ANTXRL: variants seen among roughly 807,000 people sequenced by gnomAD.
ANTXRL encodes the protein anthrax toxin receptor-like.
In ANTXRL, 63 loss-of-function variants were observed where a neutral mutation model predicts 75.4. The observed-to-expected ratio is 0.84, with a 90% confidence interval of 0.68 to 1.03. The LOEUF (loss-of-function observed/expected upper bound fraction) is 1.03. ANTXRL is among the 50% of genes least tolerant of loss of function. The pLI is 0.00. For synonymous variants in ANTXRL, 335 were observed against 291.3 expected, an observed-to-expected ratio of 1.15 and a Z score of -1.53; for missense variants, 797 against 789.4, an observed-to-expected ratio of 1.01 and a Z score of -0.12.
At chr10:46,296,921 G>A (rs371215683) in intron 5 of ANTXRL, among the ~76,000 whole-genome samples, 194 of 152,324 alleles carry the variant, frequency 1.3e-3, no homozygotes, top group African/African-American at 4.4e-3. Flanking sequence ...GCCTGTGGTT[G>A]TGGAGTCCTG....
intron 3 of ANTXRL, among the ~76,000 whole-genome samples, chr10:46,294,480 G>A (rs1837246728): frequency 6.6e-6 from 1 of 152,154 alleles, no homozygotes; most frequent in South Asian, 2.1e-4. Context: ...AGGGAGCACA[G>A]CAGAGTTCCT....
chr10:46,288,853 G>A (rs1836864503), intron 1 of ANTXRL, among the ~76,000 whole-genome samples: 1 of 152,140 alleles, frequency 6.6e-6, no homozygotes, highest in African/African-American at 2.4e-5. Flanking sequence ...CAGAGGGAGT[G>A]CCTAGAGTGG....
At chr10:46,307,329 A>T in intron 11 of ANTXRL, 73 bp from the exon 12 acceptor site, 3 of 1,064,768 alleles carry the variant, frequency 2.8e-6, no homozygotes, top group South Asian at 2.7e-5. Flanking sequence ...ACCTCTCATT[A>T]CCCATGCTGT....
At chr10:46,329,320 G>C (rs1839375055) in intron 16 of ANTXRL, among the ~76,000 whole-genome samples, 1 of 152,120 alleles carries the variant, frequency 6.6e-6, no homozygotes, top group Non-Finnish European at 1.5e-5. Context: ...AGCTACCAGG[G>C]GGAAGCAAAC....
intron 14 of ANTXRL, 57 bp from the exon 15 acceptor site, chr10:46,311,453 T>G: frequency 6.9e-7 from 1 of 1,442,490 alleles, no homozygotes; most frequent in Non-Finnish European, 9.1e-7. Flanking sequence ...CATCTGGGAG[T>G]GGCCAGCACT....
intron 16 of ANTXRL, among the ~76,000 whole-genome samples, chr10:46,324,675 A>C (rs11259794): frequency 0.52 from 78,689 of 151,852 alleles, 21,395 homozygotes; most frequent in Admixed American, 0.63. Flanking sequence ...ACTTTTAATT[A>C]TTTCTCTATC....
chr10:46,328,669 G>T (rs1839343697), intron 16 of ANTXRL, among the ~76,000 whole-genome samples: 1 of 151,834 alleles, frequency 6.6e-6, no homozygotes, highest in South Asian at 2.1e-4. Flanking sequence ...TGCAGGATGT[G>T]CAGGTTTGTT....
intron 16 of ANTXRL, among the ~76,000 whole-genome samples, chr10:46,317,586 G>T (rs1554964919): frequency 6.6e-6 from 1 of 152,162 alleles, no homozygotes; most frequent in African/African-American, 2.4e-5. Flanking sequence ...AACTGTCCAG[G>T]AATCCCAGCT....
chr10:46,307,016 A>C (rs1838137105), intron 11 of ANTXRL, 144 bp downstream of exon 11: 2 of 703,854 alleles, frequency 2.8e-6, no homozygotes, highest in East Asian at 2.8e-5. Context: ...CCTCCTCCCC[A>C]CATCCCTTGT....
intron 10 of ANTXRL, among the ~76,000 whole-genome samples, chr10:46,303,666 A>G (rs782575964): frequency 5.3e-5 from 8 of 152,302 alleles, no homozygotes; most frequent in Admixed American, 2.0e-4. Context: ...TGCGTAGAGC[A>G]GTTGGTTCAT....
At position 46,297,419 on chromosome 10, in the gene ANTXRL, G is replaced by T; in HGVS notation, c.599G>T (p.Arg200Leu). 1 of 1,535,882 alleles carries T rather than the reference G, an allele frequency of 6.5e-7. No homozygotes were observed. Among genetic ancestry groups the T allele is most frequent in the East Asian group, 2.4e-5 (1 of 40,900 alleles). ...QDTLREAQKA[R>L]KLGANVYTLG... is the part of the protein sequence containing the mutation. ...TCTTTCCCTTAGGCTCAAAAGGCTC[G>T]GAAACTGGGGGCCAACGTTTACACC... The change falls in exon 7 of 17, where the codon CGG becomes CTG. Residue 200 changes from arginine (R) to leucine (L), a missense_variant. By Grantham distance (102) the Arg-to-Leu change is moderately radical. Coordinates refer to ENST00000620264, the MANE Select transcript of ANTXRL (RefSeq NM_001278688.3).
intron 12 of ANTXRL, 132 bp downstream of exon 12, chr10:46,307,612 G>A: frequency 1.2e-6 from 1 of 865,324 alleles, no homozygotes; most frequent in Non-Finnish European, 1.8e-6. Context: ...ACCTGAGGCT[G>A]CTCCAACCCG....
At chr10:46,295,891 C>T (rs1837348103) in intron 3 of ANTXRL, 128 bp from the exon 4 acceptor site, 5 of 764,038 alleles carry the variant, frequency 6.5e-6, no homozygotes, top group Non-Finnish European at 1.1e-5. Flanking sequence ...GAGGACAAAG[C>T]CCTTGCCTGG....
chr10:46,311,336 C>T (rs1389372781), intron 14 of ANTXRL, among the ~76,000 whole-genome samples, 174 bp from the exon 15 acceptor site: 9 of 152,208 alleles, frequency 5.9e-5, no homozygotes, highest in African/African-American at 1.7e-4. Flanking sequence ...TTGGCATTTA[C>T]GAGAAGAGCC....
At chr10:46,306,902 C>T in intron 11 of ANTXRL, 30 bp downstream of exon 11, 1 of 1,500,608 alleles carries the variant, frequency 6.7e-7, no homozygotes, top group South Asian at 1.3e-5. Context: ...GGCTAGAGGG[C>T]AAGAGACCAG....
Position 46,313,220 on chromosome 10 carries a change from C to G in ANTXRL, c.1330-16C>G, listed in dbSNP as rs782553898. 3.5e-5 allele frequency: 53 copies of G among 1,535,106 alleles called. No homozygotes were observed. Among genetic ancestry groups the G allele is most frequent in the Non-Finnish European group, 3.5e-5 (40 of 1,146,186 alleles). On this transcript the variant is annotated splice_polypyrimidine_tract_variant and intron_variant, in intron 15 of 16. Coordinates refer to ENST00000620264, the MANE Select transcript of ANTXRL (RefSeq NM_001278688.3). ...TCCAAGCTGCATGTCTTCCTCATGG[C>G]CACGTTGCTTTTCAGGGCAATCTGG...
intron 16 of ANTXRL, among the ~76,000 whole-genome samples, chr10:46,320,833 T>G (rs782576501): frequency 1.3e-5 from 2 of 152,180 alleles, no homozygotes; most frequent in Non-Finnish European, 2.9e-5. Flanking sequence ...ATTTAGTTTT[T>G]AAAAAGTACC....
rs1554958624 is a variant in ANTXRL, at chr10:46,296,234, G to A, written c.490G>A (p.Glu164Lys). ...AGFRKAIQQI[E>K]SFNSGNKVPS... ...TTTCTTGCAGGCAATTCAACAGATC[G>A]AAAGTTTCAACTCCGGAAGTAAGCA... Residue 164 changes from glutamate to lysine, a missense_variant, in exon 5 of 17, where the codon GAA (glutamate) becomes AAA (lysine). Transcript: ENST00000620264. 5.2e-6 allele frequency: 8 copies of A among 1,535,742 alleles called. No homozygotes were observed. The highest frequency in any genetic ancestry group is 5.2e-6 in the Non-Finnish European group (6 of 1,146,748).
intron 9 of ANTXRL, among the ~76,000 whole-genome samples, chr10:46,298,757 T>C (rs1837538286): frequency 1.3e-5 from 2 of 150,604 alleles, no homozygotes; most frequent in African/African-American, 2.5e-5. Flanking sequence ...TTGGTGTATG[T>C]GTGTTTGCTA....
Sources: allele counts gnomAD v4.1 joint callset (sites outside exome capture counted in the v4.1 genomes callset), GRCh38; gene constraint gnomAD v4.1.1; transcripts MANE v1.5; gene names NCBI Gene and HGNC (gene_info 2026-07-23, HGNC 2026-07-21).